The following TCF12 variants were observed in gnomAD, a reference collection of about 807,000 sequenced individuals.
TCF12 encodes the protein transcription factor 12.
In TCF12, 45 loss-of-function variants were observed where a neutral mutation model predicts 86.0. The ratio of observed to expected loss-of-function variants is 0.52; its 90% CI spans 0.41 to 0.67. The LOEUF is 0.67. Ranked by LOEUF, TCF12 falls within the 30% of genes least tolerant of loss-of-function variation. TCF12 has a pLI of 0.00. For synonymous variants in TCF12, 330 were observed against 299.6 expected, an observed-to-expected ratio of 1.10 and a Z score of -1.05; for missense variants, 881 against 859.9, an observed-to-expected ratio of 1.02 and a Z score of -0.31.
chr15:57,196,165 G>GA (rs59723460), intron 7 of TCF12, among the ~76,000 whole-genome samples: 71 of 146,378 alleles, frequency 4.9e-4, no homozygotes, highest in African/African-American at 7.4e-4. Flanking sequence ...ACCACAGATA[G>GA]AAAAAAAAAA....
At chr15:57,206,585 T>C (rs2057823542) in intron 8 of TCF12, among the ~76,000 whole-genome samples, 1 of 121,240 alleles carries the variant, frequency 8.2e-6, no homozygotes. Flanking sequence ...GTATTCTCTT[T>C]TTTTTTTTTT....
At chr15:57,173,243 T>A (rs1037072352) in intron 6 of TCF12, among the ~76,000 whole-genome samples, 2 of 152,320 alleles carry the variant, frequency 1.3e-5, no homozygotes, top group Non-Finnish European at 2.9e-5. Flanking sequence ...ACAAAATGTG[T>A]TGGTGCATCT....
chr15:56,947,056 G>A (rs1346642091), intron 3 of TCF12, among the ~76,000 whole-genome samples: 2 of 151,990 alleles, frequency 1.3e-5, no homozygotes, highest in Non-Finnish European at 2.9e-5. Context: ...CCTCGGCTTC[G>A]CAAATTGCTA....
At chr15:57,276,795 TCTTTTTTTTTTC>T (rs1295372816) in intron 19 of TCF12, among the ~76,000 whole-genome samples, 2 of 144,764 alleles carry the variant, frequency 1.4e-5, no homozygotes, top group African/African-American at 5.1e-5. Flanking sequence ...CTTTTTTTTT[TCTTTTTTTTTTC>T]CTTTTTTTTT....
chr15:57,026,856 G>T (rs2065854775), intron 3 of TCF12, among the ~76,000 whole-genome samples: 1 of 151,998 alleles, frequency 6.6e-6, no homozygotes, highest in African/African-American at 2.4e-5. Flanking sequence ...CGTAGTATTT[G>T]CATATAACCT....
At chr15:57,266,969 T>TAGTGAGCCATGATC (rs1458954360) in intron 18 of TCF12, among the ~76,000 whole-genome samples, 1 of 152,198 alleles carries the variant, frequency 6.6e-6, no homozygotes, top group East Asian at 1.9e-4. Context: ...TTTGAGGCTA[T>TAGTGAGCCATGATC]AGTGAGCCAT....
intron 3 of TCF12, among the ~76,000 whole-genome samples, chr15:56,925,504 A>C (rs1295481627): frequency 6.6e-6 from 1 of 152,194 alleles, no homozygotes; most frequent in East Asian, 1.9e-4. Context: ...GACTATAAAC[A>C]ACTTTCAAAT....
chr15:57,195,140 T>C (rs1320576648), intron 7 of TCF12, among the ~76,000 whole-genome samples: 2 of 152,134 alleles, frequency 1.3e-5, no homozygotes, highest in African/African-American at 4.8e-5. Context: ...TGACCTCAAG[T>C]GGTCCTCCTG....
At chr15:56,919,806 C>G (rs1418024274) in intron 1 of TCF12, 86 bp from the exon 2 acceptor site, 1 of 1,231,800 alleles carries the variant, frequency 8.1e-7, no homozygotes, top group East Asian at 2.5e-5. Context: ...AGCGCTCTTG[C>G]GTAATCTTCC....
intron 3 of TCF12, among the ~76,000 whole-genome samples, chr15:57,045,017 AGTAGT>A (rs767519234): frequency 2.3e-4 from 35 of 152,356 alleles, no homozygotes; most frequent in Non-Finnish European, 3.8e-4. Context: ...GAAATTATTC[AGTAGT>A]GGAAAGCAGA....
chr15:57,068,476 A>G (rs1232648091), intron 4 of TCF12, among the ~76,000 whole-genome samples: 3 of 152,232 alleles, frequency 2.0e-5, no homozygotes, highest in African/African-American at 7.2e-5. Flanking sequence ...AAATGTATGA[A>G]GGACATAAAT....
chr15:57,139,237 T>C (rs927008746), intron 5 of TCF12, among the ~76,000 whole-genome samples: 1 of 152,186 alleles, frequency 6.6e-6, no homozygotes, highest in Non-Finnish European at 1.5e-5. Context: ...TCCCCTTACT[T>C]TCCTCTGCTC....
chr15:57,011,831 C>G (rs761426327), intron 3 of TCF12, among the ~76,000 whole-genome samples: 3 of 152,100 alleles, frequency 2.0e-5, no homozygotes, highest in African/African-American at 7.2e-5. Flanking sequence ...GACTTTCCAT[C>G]AATTTTTAAA....
chr15:57,207,109 A>G (rs902001094), intron 8 of TCF12, among the ~76,000 whole-genome samples: 2 of 152,090 alleles, frequency 1.3e-5, no homozygotes, highest in Middle Eastern at 3.4e-3. Flanking sequence ...CCTGTCCCCA[A>G]AAAAACAAAA....
intron 3 of TCF12, among the ~76,000 whole-genome samples, chr15:57,013,231 C>T (rs2064944676): frequency 6.6e-6 from 1 of 152,124 alleles, no homozygotes; most frequent in African/African-American, 2.4e-5. Context: ...TACTATATTC[C>T]AGGCAATGTT....
intron 3 of TCF12, among the ~76,000 whole-genome samples, chr15:56,936,566 A>G (rs1012889380): frequency 2.0e-5 from 3 of 152,150 alleles, no homozygotes; most frequent in African/African-American, 7.2e-5. Flanking sequence ...GCCAATGTCT[A>G]GATGGGTTTT....
intron 3 of TCF12, among the ~76,000 whole-genome samples, chr15:56,940,666 T>TTCTCCC (rs1379226880): frequency 1.4e-5 from 2 of 143,030 alleles, no homozygotes; most frequent in Non-Finnish European, 3.1e-5. Context: ...CTCCCTATCC[T>TTCTCCC]TCTCCCTCTC....
At chr15:57,079,524 CAT>C (rs1295077683) in intron 4 of TCF12, among the ~76,000 whole-genome samples, 12 of 152,288 alleles carry the variant, frequency 7.9e-5, no homozygotes, top group African/African-American at 2.4e-4. Context: ...TATAAATTCA[CAT>C]AGTTTGATTA....
intron 5 of TCF12, among the ~76,000 whole-genome samples, chr15:57,160,673 T>TG (rs554086017): frequency 1.7e-3 from 259 of 152,052 alleles, no homozygotes; most frequent in African/African-American, 6.1e-3. Flanking sequence ...GTAGAGCTTG[T>TG]GGGGGTTTTT....
Sources: gnomAD v4.1 joint callset for allele counts (sites outside exome capture counted in the v4.1 genomes callset) on GRCh38, gnomAD v4.1.1 for gene constraint, MANE v1.5 for transcripts, NCBI Gene and HGNC (gene_info 2026-07-23, HGNC 2026-07-21) for gene names.